Variants in RGN observed in about 807,000 individuals in gnomAD.
The protein encoded by RGN is regucalcin, also known as epididymis secretory protein Li 41.
A neutral mutation model predicts 20.6 loss-of-function variants in RGN; 19 were observed. The ratio of observed to expected loss-of-function variants is 0.92; its 90% CI spans 0.64 to 1.35. RGN has a LOEUF of 1.35. Among genes scored for constraint, RGN ranks in the 40% most tolerant of loss-of-function variants. The probability of loss-of-function intolerance (pLI) is 0.00; values close to 1 mark genes in which losing one functional copy is unlikely to be tolerated. For synonymous variants in RGN, 85 were observed against 87.2 expected, an observed-to-expected ratio of 0.97 and a Z score of 0.14; for missense variants, 302 against 232.7, an observed-to-expected ratio of 1.30 and a Z score of -1.94.
rs868916172 is a variant in RGN at position 47,081,522 on chromosome X, T to G, written c.163+215T>G. Reference sequence around the variant, plus strand: ...AGGGGCAACATTCCTAGTTTTTTTTTGGGGGGGGGGGTGTTTTTGTTTATT... The same window carrying G: ...AGGGGCAACATTCCTAGTTTTTTTTGGGGGGGGGGGGTGTTTTTGTTTATT... On this transcript the variant is annotated intron_variant, in intron 3 of 7. Coordinates refer to ENST00000397180, the MANE Select transcript of RGN (RefSeq NM_152869.4). 5.3e-3 allele frequency among the ~76,000 whole-genome samples: 446 copies of G among 83,511 alleles called. 3 individuals carry two copies. The highest frequency in any genetic ancestry group is 0.018 in the African/African-American group (417 of 22,961). The allele number at this position is 83,511 out of a possible 115,157, so 72.5% of individuals were successfully genotyped here. A position where few individuals can be genotyped will look rare whatever the true frequency, so the allele number is the denominator to read the frequency against.
intron 3 of RGN, among the ~76,000 whole-genome samples, chrX:47,083,413 T>C (rs1231010707): frequency 9.3e-6 from 1 of 107,991 alleles, no homozygotes; most frequent in Non-Finnish European, 1.9e-5. Context: ...AAAAAAAAAG[T>C]TTTCTTATAC....
At chrX:47,088,430 C>T (rs1443284874) in intron 4 of RGN, among the ~76,000 whole-genome samples, 1 of 110,611 alleles carries the variant, frequency 9.0e-6, no homozygotes, top group Non-Finnish European at 1.9e-5. Flanking sequence ...AGGGAACATC[C>T]TTCTCCCCAG....
chrX:47,078,955 C>CT (rs781962121), intron 1 of RGN, among the ~76,000 whole-genome samples: 1,402 of 78,548 alleles, frequency 0.018, 69 homozygotes, highest in African/African-American at 0.049. Flanking sequence ...CCCACCCCCG[C>CT]TTTTTTTTTT....
intron 4 of RGN, 80 bp downstream of exon 4, chrX:47,084,680 G>C (rs1930507734): frequency 4.4e-6 from 4 of 908,776 alleles, no homozygotes; most frequent in Non-Finnish European, 6.0e-6. Flanking sequence ...CTACTGACCA[G>C]GGTGGTGGCT....
Position 47,081,267 on chromosome X carries a change from G to T in RGN, c.123G>T (p.Arg41=), listed in dbSNP as rs1234283907. 8.3e-7 allele frequency: 1 copy of T among 1,208,920 alleles called. No individual in the cohort carries two copies. The highest frequency in any genetic ancestry group is 1.8e-5 in the African/African-American group (1 of 56,926). The part of the protein sequence containing the change: ...FVDIPAKKVC[R]WDSFTKQVQR... The stretch of plus-strand genomic sequence containing the variant: ...ACATTCCTGCAAAAAAGGTTTGCCG[G>T]TGGGATTCATTCACCAAGCAAGTAC... The change falls in exon 3 of 8, where the codon CGG becomes CGT. Residue 41 remains arginine (R), a synonymous_variant. Transcript: ENST00000397180.
At position 47,091,740 on chromosome X, in the gene RGN, G is replaced by A; in HGVS notation, c.625G>A (p.Asp209Asn). Residue 209 changes from aspartate to asparagine, a missense_variant, in exon 6 of 8, where the codon GAT becomes AAT. By Grantham distance (23) the Asp-to-Asn change is conservative (BLOSUM62 1). Transcript: ENST00000397180. ...EEQIPDGMCI[D>N]AEGKLWVACY... is the part of the protein sequence containing the mutation. ...ACAAATCCCAGATGGAATGTGTATT[G>A]ATGCTGAGGGGAAGCTCTGGGTGGC... 1.7e-6 allele frequency: 2 copies of A among 1,210,163 alleles called. No homozygotes were observed. The highest frequency in any genetic ancestry group is 2.2e-6 in the Non-Finnish European group (2 of 894,264).
intron 4 of RGN, among the ~76,000 whole-genome samples, chrX:47,087,950 C>CTA (rs1200560692): frequency 1.0e-5 from 1 of 97,053 alleles, no homozygotes; most frequent in African/African-American, 3.7e-5. Flanking sequence ...TATAATACAA[C>CTA]TATATATATT....
chrX:47,090,073 C>T, intron 5 of RGN, 82 bp downstream of exon 5: 1 of 660,966 alleles, frequency 1.5e-6, no homozygotes, highest in Non-Finnish European at 2.3e-6. Flanking sequence ...TCTCCCTCGC[C>T]TCATGTGAAG....
At chrX:47,083,920 A>C (rs868915125) in intron 3 of RGN, among the ~76,000 whole-genome samples, 1,891 of 97,476 alleles carry the variant, frequency 0.019, 51 homozygotes, top group African/African-American at 0.091. Context: ...CTCAAACAAA[A>C]CAAACAAAAA....
rs781894921 is a variant in RGN at position 47,084,462 on chromosome X, G to C, written c.208G>C (p.Val70Leu). The C allele has an allele frequency of 8.9e-5, 107 of 1,205,100 alleles. No individual in the cohort carries two copies. The highest frequency in any genetic ancestry group is 3.1e-4 in the South Asian group (17 of 55,599). ...GGCTCTTCGCCAGTCGGGAGGCTAT[G>C]TTGCCACCATTGGAACAAAGTTCTG... Reference protein sequence around the residue: ...SVALRQSGGYVATIGTKFCAL... With the variant: ...SVALRQSGGYLATIGTKFCAL... Residue 70 changes from valine to leucine, a missense_variant, in exon 4 of 8, where the codon GTT (valine) becomes CTT (leucine). Transcript: ENST00000397180.
intron 4 of RGN, among the ~76,000 whole-genome samples, chrX:47,085,989 T>G (rs1465110952): frequency 8.9e-6 from 1 of 112,445 alleles, no homozygotes; most frequent in Non-Finnish European, 1.9e-5. Context: ...ACAAAAAGTG[T>G]TCTTTCTCAC....
intron 3 of RGN, among the ~76,000 whole-genome samples, 177 bp from the exon 4 acceptor site, chrX:47,084,241 C>A (rs1395361859): frequency 9.0e-6 from 1 of 111,316 alleles, no homozygotes. Flanking sequence ...ACACAAAATT[C>A]ATACTCAACA....
Position 47,089,855 on chromosome X carries a change from C to G in RGN, c.426C>G (p.His142Gln), listed in dbSNP as rs201477424. Residue 142 changes from histidine to glutamine, a missense_variant, in exon 5 of 8, where the codon CAC becomes CAG. Transcript: ENST00000397180. ...TGTACTCCCTCTTTCCTGATCACCACGTGAAAAAGTACTTTGACCAGGTGG... is the reference window on the plus strand; with the variant it reads ...TGTACTCCCTCTTTCCTGATCACCAGGTGAAAAAGTACTTTGACCAGGTGG... ...GALYSLFPDHHVKKYFDQVDI... is the reference protein window; with the variant it reads ...GALYSLFPDHQVKKYFDQVDI... 2 of 1,205,453 alleles carry G rather than the reference C, an allele frequency of 1.7e-6. No individual in the cohort carries two copies. Among genetic ancestry groups the G allele is most frequent in the African/African-American group, 3.6e-5 (2 of 56,184 alleles).
At chrX:47,087,188 C>T (rs782141968) in intron 4 of RGN, among the ~76,000 whole-genome samples, 6 of 111,448 alleles carry the variant, frequency 5.4e-5, no homozygotes, top group Non-Finnish European at 7.5e-5. Context: ...CTGAGTTAGC[C>T]GAAGTTGATT....
intron 4 of RGN, 135 bp from the exon 5 acceptor site, chrX:47,089,641 A>T: frequency 3.1e-6 from 1 of 323,598 alleles, no homozygotes; most frequent in Admixed American, 5.9e-5. Flanking sequence ...ACATATATAT[A>T]TATGGCCCAG....
rs782748186 is a variant in RGN at position 47,078,537 on chromosome X, G to C, written c.-808G>C. On this transcript the variant is annotated 5_prime_UTR_variant, in exon 1 of 8. Coordinates refer to ENST00000397180, the MANE Select transcript of RGN (RefSeq NM_152869.4). The stretch of plus-strand genomic sequence containing the variant: ...ACTGACTGCTCTGTGCCCACCCGGG[G>C]ACCCGGGCCCGTTCAGCCGGGCTGG... The C allele has an allele frequency of 2.7e-5, 3 of 113,176 alleles. No homozygotes were observed. The highest frequency in any genetic ancestry group is 7.2e-4 in the South Asian group (2 of 2,772). 9.3% of individuals were successfully genotyped at this position (113,176 alleles called of 1,213,427 possible). A position where few individuals can be genotyped will look rare whatever the true frequency, so the allele number is the denominator to read the frequency against.
chrX:47,090,403 T>C (rs1474722716), intron 5 of RGN, among the ~76,000 whole-genome samples: 2 of 110,857 alleles, frequency 1.8e-5, no homozygotes, highest in Admixed American at 1.9e-4. Flanking sequence ...CTTGAGGTTT[T>C]TGATTGCTAT....
rs370232608 is a variant in RGN at position 47,084,539 on chromosome X, C to T, written c.285C>T (p.Asn95=). ...CAGTTGTCTTGGCCACGGTGGATAA[C>T]GACAAGAAAAACAATCGCTTCAATG... is the stretch of plus-strand genomic sequence containing the variant. ...QSAVVLATVD[N]DKKNNRFNDG... The change falls in exon 4 of 8, where the codon AAC becomes AAT. Residue 95 remains asparagine, a synonymous_variant. Transcript: ENST00000397180. 1.9e-5 allele frequency: 23 copies of T among 1,201,094 alleles called. No individual in the cohort carries two copies. The highest frequency in any genetic ancestry group is 2.2e-5 in the Admixed American group (1 of 44,768).
rs1273446656 is a variant in RGN at position 47,080,929 on chromosome X, C to T, written c.-23C>T. On this transcript the variant is annotated 5_prime_UTR_variant, in exon 2 of 8. It adds an upstream start codon to the 5' untranslated region. Transcript: ENST00000397180. ...TTTTTGAAAGATCATTCGAGAAACA[C>T]GTCACTGGTAAGTTGGTTGAAGATG... The T allele has an allele frequency of 3.6e-5, 13 of 365,144 alleles. No individual in the cohort carries two copies. Among genetic ancestry groups the T allele is most frequent in the African/African-American group, 5.2e-5 (2 of 38,361 alleles). 30.1% of individuals were successfully genotyped at this position (365,144 alleles called of 1,213,427 possible).
Sources: allele counts gnomAD v4.1 joint callset (sites outside exome capture counted in the v4.1 genomes callset), GRCh38; gene constraint gnomAD v4.1.1; transcripts MANE v1.5; gene names NCBI Gene and HGNC (gene_info 2026-07-23, HGNC 2026-07-21).